Variants in SMC1B observed in about 807,000 individuals in gnomAD.
SMC1B encodes the protein structural maintenance of chromosomes 1B.
In SMC1B, 60 loss-of-function variants were observed where a neutral mutation model predicts 157.9. The observed-to-expected ratio is 0.38, with a 90% CI of 0.31 to 0.47. SMC1B has a LOEUF of 0.47. Ranked by LOEUF, SMC1B falls within the 20% of genes least tolerant of loss-of-function variation. SMC1B has a pLI of 0.99. For synonymous variants in SMC1B, 445 were observed against 483.0 expected (o/e 0.92, Z 1.03); for missense variants, 1,165 against 1,426.2 (o/e 0.82, Z 2.95).
chr22:45,399,580 T>C (rs1195138767), intron 5 of SMC1B, among the ~76,000 whole-genome samples: 2 of 152,178 alleles, frequency 1.3e-5, no homozygotes, highest in African/African-American at 2.4e-5. Context: ...CACTTGACAC[T>C]ATGAATTTGC....
chr22:45,403,300 A>G (rs748470248), intron 4 of SMC1B, among the ~76,000 whole-genome samples: 9 of 152,250 alleles, frequency 5.9e-5, no homozygotes, highest in African/African-American at 9.6e-5. Context: ...TATACATATT[A>G]GAAAACATGA....
intron 5 of SMC1B, among the ~76,000 whole-genome samples, chr22:45,399,748 G>T (rs1400709756): frequency 1.3e-5 from 2 of 152,316 alleles, no homozygotes; most frequent in South Asian, 2.1e-4. Flanking sequence ...TGAAGGGGTG[G>T]AAGGAAAACA....
chr22:45,396,244 T>TA lies in SMC1B; in HGVS notation c.1254+101dup, dbSNP rs1286881131. The stretch of plus-strand genomic sequence containing the variant: ...TCATGAAATAAATGAAATGAGACAG[T>TA]ATAGTGTAAGGTTAAGGAGATTCAT... On this transcript the variant is annotated intron_variant, in intron 7 of 24. Coordinates refer to ENST00000357450, the MANE Select transcript of SMC1B (RefSeq NM_148674.5). 3 of 932,692 alleles carry TA rather than the reference T, an allele frequency of 3.2e-6. No individual in the cohort carries two copies. The African/African-American group carries it at 5.0e-5, about 16-fold the overall frequency. 57.8% of individuals were successfully genotyped at this position (932,692 alleles called of 1,614,324 possible). A position where few individuals can be genotyped will look rare whatever the true frequency, so the allele number is the denominator to read the frequency against.
At chr22:45,374,828 T>G (rs1394840090) in intron 12 of SMC1B, among the ~76,000 whole-genome samples, 1 of 152,186 alleles carries the variant, frequency 6.6e-6, no homozygotes, top group African/African-American at 2.4e-5. Flanking sequence ...TCTTCTTTTT[T>G]TGTTGTTCTT....
intron 2 of SMC1B, among the ~76,000 whole-genome samples, chr22:45,408,208 C>T (rs1213325384): frequency 2.0e-5 from 3 of 152,166 alleles, no homozygotes; most frequent in African/African-American, 7.2e-5. Context: ...TCACTGCAAG[C>T]TCTGCCTCCC....
chr22:45,348,516 T>C (rs1175147691), intron 23 of SMC1B, among the ~76,000 whole-genome samples: 1 of 152,210 alleles, frequency 6.6e-6, no homozygotes, highest in East Asian at 1.9e-4. Context: ...TGGGGCCTGT[T>C]ATTAGGGGTT....
At chr22:45,406,983 T>C in intron 2 of SMC1B, 118 bp from the exon 3 acceptor site, 1 of 645,094 alleles carries the variant, frequency 1.6e-6, no homozygotes, top group Non-Finnish European at 2.5e-6. Context: ...TATAATAATA[T>C]ACATGGGAAT....
chr22:45,363,169 T>A, intron 15 of SMC1B, 143 bp from the exon 16 acceptor site: 1 of 589,104 alleles, frequency 1.7e-6, no homozygotes, highest in Non-Finnish European at 2.8e-6. Context: ...ACTTAATAAT[T>A]ATCAATTCAT....
intron 4 of SMC1B, among the ~76,000 whole-genome samples, chr22:45,403,622 TTTTTTA>T (rs1291003549): frequency 1.3e-5 from 2 of 151,770 alleles, no homozygotes; most frequent in African/African-American, 4.8e-5. Context: ...CCAGGCAAAG[TTTTTTA>T]TTTTTATTTT....
At chr22:45,410,606 GGCA>G (rs1436262461) in intron 1 of SMC1B, among the ~76,000 whole-genome samples, 1 of 152,192 alleles carries the variant, frequency 6.6e-6, no homozygotes, top group African/African-American at 2.4e-5. Context: ...GGGAGGCTGA[GGCA>G]GAAGAATCAC....
chr22:45,348,852 C>T (rs985092593), intron 23 of SMC1B, among the ~76,000 whole-genome samples: 15 of 151,652 alleles, frequency 9.9e-5, no homozygotes, highest in African/African-American at 3.6e-4. Flanking sequence ...ATGTGTGCCA[C>T]CATGCTCAGA....
intron 11 of SMC1B, 90 bp downstream of exon 11, chr22:45,386,777 T>G: frequency 8.6e-7 from 1 of 1,156,688 alleles, no homozygotes. Context: ...ATAAAACGCA[T>G]ATGTAAATAT....
In SMC1B at chr22:45,413,524, C is replaced by T. The variant is rs1311045757; in HGVS notation, c.44G>A (p.Trp15Ter). 1.9e-6 allele frequency: 3 copies of T among 1,612,450 alleles called. No individual in the cohort carries two copies. Among genetic ancestry groups the T allele is most frequent in the Non-Finnish European group, 2.5e-6 (3 of 1,179,300 alleles). The change falls in exon 1 of 25, where the codon TGG becomes TAG. Residue 15 changes from tryptophan (W) to a stop codon, truncating the protein, a stop_gained. Coordinates refer to ENST00000357450, the MANE Select transcript of SMC1B (RefSeq NM_148674.5). LOFTEE classifies it high-confidence loss of function. ...ELLLVENFKS[W>*]RGRQVIGPFR... Reference sequence around the variant, plus strand: ...GGGGCCAATGACCTGGCGGCCCCGCCACGACTTGAAATTTTCCACAAGCAG... The same window carrying T: ...GGGGCCAATGACCTGGCGGCCCCGCTACGACTTGAAATTTTCCACAAGCAG...
chr22:45,352,632 T>C (rs1370106952), intron 21 of SMC1B, 30 bp from the exon 22 acceptor site: 1 of 1,566,720 alleles, frequency 6.4e-7, no homozygotes, highest in Non-Finnish European at 8.7e-7. Flanking sequence ...TTTAGCAATA[T>C]CAGAAAAGCA....
intron 13 of SMC1B, 114 bp from the exon 14 acceptor site, chr22:45,371,701 A>C (rs1230302646): frequency 4.8e-6 from 6 of 1,250,976 alleles, no homozygotes; most frequent in Non-Finnish European, 6.5e-6. Context: ...AGATAAGATG[A>C]ATTCACCTGG....
Position 45,406,641 on chromosome 22 carries a change from A to C in SMC1B, c.434T>G (p.Val145Gly), listed in dbSNP as rs1183521996. ...CTGGGTCCTTTCTTTGGGTTTCTTC[A>C]CTGAAATTGACTCTACAGTTCCCTT... Reference protein sequence around the residue: ...VFQGTVESISVKKPKERTQFF... With the variant: ...VFQGTVESISGKKPKERTQFF... Residue 145 changes from valine to glycine, a missense_variant, in exon 4 of 25, where the codon GTG becomes GGG. Physicochemically the swap from Val to Gly is moderately radical, Grantham distance 109. Transcript: ENST00000357450. The C allele has an allele frequency of 6.2e-7, 1 of 1,612,850 alleles. No homozygotes were observed. Among genetic ancestry groups the C allele is most frequent in the Non-Finnish European group, 8.5e-7 (1 of 1,179,722 alleles).
chr22:45,346,937 G>A (rs2086558215), intron 23 of SMC1B, among the ~76,000 whole-genome samples: 2 of 152,190 alleles, frequency 1.3e-5, no homozygotes. Flanking sequence ...TACATAGGAT[G>A]GGTACTAGTA....
At position 45,345,441 on chromosome 22, in the gene SMC1B, C is replaced by T; in HGVS notation, c.3606+18G>A. 6.4e-7 allele frequency: 1 copy of T among 1,556,558 alleles called. No individual in the cohort carries two copies. The highest frequency in any genetic ancestry group is 8.9e-7 in the Non-Finnish European group (1 of 1,129,406). On this transcript the variant is annotated intron_variant, in intron 24 of 24. Coordinates refer to ENST00000357450, the MANE Select transcript of SMC1B (RefSeq NM_148674.5). ...GTTGGCATTGGGTACACTCCTCTCG[C>T]CTCTGATTTGTCTTTACCTCAGGAT...
intron 16 of SMC1B, 84 bp from the exon 17 acceptor site, chr22:45,362,068 C>T: frequency 7.3e-7 from 1 of 1,374,930 alleles, no homozygotes; most frequent in Non-Finnish European, 9.9e-7. Flanking sequence ...AACACCAAAC[C>T]AGTTATCCCG....
Sources: gnomAD v4.1 joint callset for allele counts (sites outside exome capture counted in the v4.1 genomes callset) on GRCh38, gnomAD v4.1.1 for gene constraint, MANE v1.5 for transcripts, NCBI Gene and HGNC (gene_info 2026-07-23, HGNC 2026-07-21) for gene names.